IMMP2L: variants seen among roughly 807,000 people sequenced by gnomAD.
The protein encoded by IMMP2L is mitochondrial inner membrane protease subunit 2.
In IMMP2L, 18 loss-of-function variants were observed where a neutral mutation model predicts 19.3. The ratio of observed to expected loss-of-function variants is 0.93; its 90% confidence interval spans 0.64 to 1.38. The LOEUF (loss-of-function observed/expected upper bound fraction) is 1.38. IMMP2L is among the 40% of genes most tolerant of loss of function. IMMP2L has a pLI of 0.00. For synonymous variants in IMMP2L, 76 were observed against 73.0 expected (o/e 1.04, Z -0.21); for missense variants, 233 against 218.2 (o/e 1.07, Z -0.43).
intron 3 of IMMP2L, among the ~76,000 whole-genome samples, chr7:111,228,286 A>G (rs1432787808): frequency 6.6e-6 from 1 of 152,102 alleles, no homozygotes; most frequent in Non-Finnish European, 1.5e-5. Flanking sequence ...CTTGGAACAC[A>G]GGCTGGAATA....
intron 3 of IMMP2L, among the ~76,000 whole-genome samples, chr7:111,450,648 G>A (rs1839044365): frequency 6.7e-6 from 1 of 149,106 alleles, no homozygotes. Flanking sequence ...CATAGGCGTG[G>A]GCAAGGACTT....
At chr7:111,442,634 T>C (rs1365681518) in intron 3 of IMMP2L, among the ~76,000 whole-genome samples, 1 of 151,746 alleles carries the variant, frequency 6.6e-6, no homozygotes, top group Admixed American at 6.6e-5. Context: ...AATATGTCTG[T>C]ATAGGTACCT....
chr7:110,860,798 GA>G (rs1446473601), intron 5 of IMMP2L, among the ~76,000 whole-genome samples: 1 of 151,816 alleles, frequency 6.6e-6, no homozygotes, highest in African/African-American at 2.4e-5. Flanking sequence ...AGCCATTTTG[GA>G]AAAAAGGAAA....
rs527768172 is a variant in IMMP2L, at chr7:111,412,674, A to C, written c.239+74564T>G. 2.7e-4 allele frequency among the ~76,000 whole-genome samples: 41 copies of C among 152,022 alleles called. 3 individuals carry two copies. The highest frequency in any genetic ancestry group is 9.2e-4 in the African/African-American group (38 of 41,322). Reference sequence around the variant, plus strand: ...AAATGTGCTACACACTAAAAATCACATAGGGAGTTTTTAAAAATCCCATTG... The same window carrying C: ...AAATGTGCTACACACTAAAAATCACCTAGGGAGTTTTTAAAAATCCCATTG... On this transcript the variant is annotated intron_variant, in intron 3 of 5. Transcript: ENST00000405709.
At chr7:110,674,144 A>C (rs896557598) in intron 5 of IMMP2L, among the ~76,000 whole-genome samples, 2 of 152,194 alleles carry the variant, frequency 1.3e-5, no homozygotes, top group African/African-American at 4.8e-5. Flanking sequence ...CAATCATGGC[A>C]GAAGGGGAAG....
intron 3 of IMMP2L, among the ~76,000 whole-genome samples, chr7:111,147,182 T>C (rs1391486186): frequency 6.6e-6 from 1 of 152,140 alleles, no homozygotes; most frequent in African/African-American, 2.4e-5. Flanking sequence ...AACTAAATTT[T>C]GTTTCCTCTC....
chr7:111,034,551 T>A (rs192971494), intron 3 of IMMP2L, among the ~76,000 whole-genome samples: 1 of 152,172 alleles, frequency 6.6e-6, no homozygotes, highest in East Asian at 1.9e-4. Context: ...GATCTATCCT[T>A]CCCTCCACCT....
intron 3 of IMMP2L, among the ~76,000 whole-genome samples, chr7:111,420,125 T>C (rs746677212): frequency 2.3e-4 from 35 of 151,910 alleles, no homozygotes; most frequent in Non-Finnish European, 4.1e-4. Flanking sequence ...AATGTTTCAA[T>C]TGTTCTAATT....
chr7:111,264,685 G>A (rs973163448), intron 3 of IMMP2L, among the ~76,000 whole-genome samples: 4 of 151,098 alleles, frequency 2.6e-5, no homozygotes, highest in Non-Finnish European at 4.4e-5. Context: ...GAAAATGCAC[G>A]GCCAACTGGG....
intron 3 of IMMP2L, among the ~76,000 whole-genome samples, chr7:111,058,287 C>T (rs1259369937): frequency 6.6e-6 from 1 of 152,016 alleles, no homozygotes; most frequent in Non-Finnish European, 1.5e-5. Context: ...ATATTATCTA[C>T]AAAAAATGTA....
At chr7:110,818,810 G>C (rs1295465869) in intron 5 of IMMP2L, among the ~76,000 whole-genome samples, 1 of 151,844 alleles carries the variant, frequency 6.6e-6, no homozygotes, top group Non-Finnish European at 1.5e-5. Context: ...GTCCTTTGTA[G>C]GGACATGGAT....
intron 3 of IMMP2L, among the ~76,000 whole-genome samples, chr7:111,066,405 A>G (rs1794502649): frequency 6.6e-6 from 1 of 152,348 alleles, no homozygotes; most frequent in East Asian, 1.9e-4. Flanking sequence ...ATTTTAAAAT[A>G]TGAAAATATT....
At chr7:110,941,603 T>C (rs1816736408) in intron 4 of IMMP2L, among the ~76,000 whole-genome samples, 1 of 152,194 alleles carries the variant, frequency 6.6e-6, no homozygotes, top group Non-Finnish European at 1.5e-5. Flanking sequence ...GGTTTAAACT[T>C]GTGAGTAATA....
intron 3 of IMMP2L, among the ~76,000 whole-genome samples, chr7:111,281,154 GAC>G (rs1385282880): frequency 1.4e-3 from 53 of 38,778 alleles, no homozygotes; most frequent in South Asian, 4.2e-3. Context: ...AAGACAGAAA[GAC>G]AGAAAGAAAG....
chr7:110,816,710 C>T (rs1239294927), intron 5 of IMMP2L, among the ~76,000 whole-genome samples: 1 of 150,426 alleles, frequency 6.6e-6, no homozygotes, highest in African/African-American at 2.4e-5. Flanking sequence ...GATCCCTTTA[C>T]CATTATGTAA....
chr7:111,553,776 A>C lies in IMMP2L; in HGVS notation c.-3+8075T>G, dbSNP rs180940474. Among the ~76,000 whole-genome samples the C allele has an allele frequency of 1.9e-4, 29 of 152,342 alleles. 1 individual carries two copies. The highest frequency in any genetic ancestry group is 1.1e-3 in the Admixed American group (17 of 15,302). ...GCTCGTGATGGTAAAATATTAAATCAAAATCCATAAAGTAGTTCCTATCTT... is the reference window on the plus strand; with the variant it reads ...GCTCGTGATGGTAAAATATTAAATCCAAATCCATAAAGTAGTTCCTATCTT... On this transcript the variant is annotated intron_variant, in intron 1 of 5. Transcript: ENST00000405709.
intron 3 of IMMP2L, among the ~76,000 whole-genome samples, chr7:111,192,360 T>C (rs1486315962): frequency 6.6e-6 from 1 of 152,114 alleles, no homozygotes; most frequent in Non-Finnish European, 1.5e-5. Flanking sequence ...CTTTTAAAAA[T>C]ATCATGTGTC....
intron 5 of IMMP2L, among the ~76,000 whole-genome samples, chr7:110,718,491 T>A (rs1334939075): frequency 6.6e-6 from 1 of 152,196 alleles, no homozygotes; most frequent in African/African-American, 2.4e-5. Context: ...GCATTCAGTG[T>A]TTTTAGTATA....
intron 3 of IMMP2L, among the ~76,000 whole-genome samples, chr7:111,035,327 T>C (rs62464050): frequency 0.1 from 15,735 of 152,134 alleles, 846 homozygotes; most frequent in Middle Eastern, 0.2. Context: ...TTTGGGTAAC[T>C]GAAGTAGAAA....
Sources: allele counts gnomAD v4.1 joint callset (sites outside exome capture counted in the v4.1 genomes callset), GRCh38; gene constraint gnomAD v4.1.1; transcripts MANE v1.5; gene names NCBI Gene and HGNC (gene_info 2026-07-23, HGNC 2026-07-21).